The following BPIFB3 variants were observed in gnomAD, a reference collection of about 807,000 sequenced individuals.
BPIFB3 encodes the protein BPI fold-containing family B member 3.
BPIFB3 carries 49 observed loss-of-function variants against 53.1 expected under a neutral mutation model. That is an observed-to-expected ratio of 0.92 (90% CI 0.73 to 1.17). The LOEUF is 1.17. BPIFB3 is among the 50% of genes most tolerant of loss of function. The probability of loss-of-function intolerance (pLI) is 0.00; values close to 1 mark genes in which losing one functional copy is unlikely to be tolerated. For missense variants in BPIFB3, 628 were observed against 592.5 expected, an observed-to-expected ratio of 1.06 and a Z score of -0.62; for synonymous variants, 271 against 269.6, an observed-to-expected ratio of 1.01 and a Z score of -0.05.
intron 2 of BPIFB3, 119 bp from the exon 4 acceptor site, chr20:33,059,259 C>T (rs925844219): frequency 1.5e-6 from 1 of 674,276 alleles, no homozygotes; most frequent in African/African-American, 1.8e-5. Context: ...GGGCCAAGGG[C>T]TCGCAGCTGG....
At chr20:33,071,997 C>A in intron 12 of BPIFB3, 107 bp from the exon 14 acceptor site, 2 of 1,171,486 alleles carry the variant, frequency 1.7e-6, no homozygotes, top group Non-Finnish European at 2.5e-6. Flanking sequence ...TTGGGGGAGG[C>A]TGAGGCAGCT....
chr20:33,060,371 G>A lies in BPIFB3; in HGVS notation c.527+340G>A, dbSNP rs989408401. On this transcript the variant is annotated intron_variant, in intron 4 of 14. Transcript: ENST00000375494. ...TTCAGCCCCTGCTCTCAGCACATGAGACCCAACTCTGCCTCTGACTTGCTG... is the reference window on the plus strand; with the variant it reads ...TTCAGCCCCTGCTCTCAGCACATGAAACCCAACTCTGCCTCTGACTTGCTG... Among the ~76,000 whole-genome samples, 3 of 152,068 alleles carry A rather than the reference G, an allele frequency of 2.0e-5. No individual in the cohort carries two copies. The South Asian group carries it at 6.2e-4, about 32-fold the overall frequency.
chr20:33,061,842 G>A lies in BPIFB3; in HGVS notation c.591+11G>A, dbSNP rs61691120. 6.5e-4 allele frequency: 1,043 copies of A among 1,613,976 alleles called. 9 individuals carry two copies. The African/African-American group carries it at 0.012, about 19-fold the overall frequency. On this transcript the variant is annotated intron_variant, in intron 5 of 14. Transcript: ENST00000375494. ...GTGCTTCCGGGACTGGTGAGTGTGC[G>A]GGCCGTGTGCCAGCATGCCCTCTCC...
chr20:33,064,857 GC>G lies in BPIFB3; in HGVS notation c.924+15del. 6.2e-7 allele frequency: 1 copy of G among 1,608,772 alleles called. No homozygotes were observed. The highest frequency in any genetic ancestry group is 8.5e-7 in the Non-Finnish European group (1 of 1,178,784). On this transcript the variant is annotated intron_variant, in intron 8 of 14. Coordinates refer to ENST00000375494, the Ensembl canonical transcript of BPIFB3. Reference sequence around the variant, plus strand: ...TCACCCCTGAGCTGGTGAGTGTGGTGCCCGGGGGATGGGGATGGGGGCTCCT... The same window carrying G: ...TCACCCCTGAGCTGGTGAGTGTGGTGCCGGGGGATGGGGATGGGGGCTCCT...
chr20:33,064,852 G>C lies in BPIFB3; in HGVS notation c.924+7G>C. On this transcript the variant is annotated splice_region_variant and intron_variant, in intron 8 of 14. Transcript: ENST00000375494. ...GGACATCACCCCTGAGCTGGTGAGTGTGGTGCCCGGGGGATGGGGATGGGG... is the reference window on the plus strand; with the variant it reads ...GGACATCACCCCTGAGCTGGTGAGTCTGGTGCCCGGGGGATGGGGATGGGG... The C allele has an allele frequency of 6.2e-7, 1 of 1,610,204 alleles. No individual in the cohort carries two copies. Among genetic ancestry groups the C allele is most frequent in the East Asian group, 2.2e-5 (1 of 44,864 alleles).
upstream of BPIFB3, among the ~76,000 whole-genome samples, chr20:33,053,964 G>C (rs1242741464): frequency 6.6e-6 from 1 of 152,164 alleles, no homozygotes; most frequent in African/African-American, 2.4e-5. Context: ...GCAGGAGCAA[G>C]GGTAAGACAG....
chr20:33,061,974 C>A, intron 5 of BPIFB3, 143 bp downstream of exon 6: 1 of 979,132 alleles, frequency 1.0e-6, no homozygotes, highest in Non-Finnish European at 1.5e-6. Flanking sequence ...TCCGGGCCTG[C>A]TGACCGGCCT....
At chr20:33,064,461 G>T (rs777553991) in exon 7 of BPIFB3, 1 of 1,613,842 alleles carries the variant, frequency 6.2e-7, no homozygotes, top group South Asian at 1.1e-5. Flanking sequence ...ACGCAGGCCT[G>T]GTGTCCCTTG....
rs368417633 is a variant in BPIFB3 at position 33,072,474 on chromosome 20, GGGATTGAT to G, written c.1325-241_1325-234del. 3.6e-4 allele frequency among the ~76,000 whole-genome samples: 55 copies of G among 152,308 alleles called. No individual in the cohort carries two copies. In the East Asian group the frequency reaches 8.7e-3, roughly 24 times the overall value. ...AATATAGATGACCCAGAGTGTGTAA[GGGATTGAT>G]GAAGCCTTTAGGAGGCTTGACACGG... On this transcript the variant is annotated intron_variant, in intron 13 of 14. Transcript: ENST00000375494.
At chr20:33,068,935 C>G in exon 10 of BPIFB3, 1 of 1,613,966 alleles carries the variant, frequency 6.2e-7, no homozygotes, top group East Asian at 2.2e-5. Context: ...GTTCTATGTC[C>G]CTAAGGGGAC....
At chr20:33,068,763 A>G (rs1980764664) in intron 9 of BPIFB3, 40 bp from the exon 11 acceptor site, 7 of 1,589,132 alleles carry the variant, frequency 4.4e-6, no homozygotes, top group Non-Finnish European at 6.0e-6. Flanking sequence ...GACTGATTGT[A>G]GTCCTGGGGC....
In BPIFB3 at chr20:33,057,895, G is replaced by A. The variant is rs535191568; in HGVS notation, c.281+1197G>A. ...TAGCTAATATGCACTAACTCAATGA[G>A]CACCTATTCAGGGTTTTCTGTGTGT... On this transcript the variant is annotated intron_variant, in intron 2 of 14. Transcript: ENST00000375494. Among the ~76,000 whole-genome samples the A allele has an allele frequency of 3.9e-5, 6 of 152,104 alleles. No homozygotes were observed. In the South Asian group the frequency reaches 1.2e-3, roughly 32 times the overall value.
chr20:33,072,017 G>A (rs1194646530), intron 12 of BPIFB3, 87 bp from the exon 14 acceptor site: 2 of 1,415,408 alleles, frequency 1.4e-6, no homozygotes, highest in African/African-American at 1.4e-5. Flanking sequence ...TGGGCCCCTG[G>A]GTTTCTCTCC....
At chr20:33,062,099 T>C (rs1461748224) in intron 5 of BPIFB3, among the ~76,000 whole-genome samples, 2 of 151,740 alleles carry the variant, frequency 1.3e-5, no homozygotes. Flanking sequence ...GTTTCTGCCA[T>C]TTGTATTAGT....
At position 33,071,474 on chromosome 20, in the gene BPIFB3, G is replaced by T. The variant is rs143107938; in HGVS notation, c.1260+179G>T. Among the ~76,000 whole-genome samples the T allele has an allele frequency of 4.3e-3, 655 of 152,254 alleles. 4 individuals are homozygous for T. The highest frequency in any genetic ancestry group is 5.4e-3 in the Non-Finnish European group (367 of 68,014). ...GGGTGTGCGTGAGAGAGAGCAGGGG[G>T]TGTGGGCAGTGGGGAGAGAGAGAGA... On this transcript the variant is annotated intron_variant, in intron 12 of 14. Coordinates refer to ENST00000375494, the Ensembl canonical transcript of BPIFB3.
downstream of BPIFB3, chr20:33,073,724 C>T: frequency 8.3e-7 from 1 of 1,205,490 alleles, no homozygotes; most frequent in Non-Finnish European, 1.2e-6. Flanking sequence ...CCCTCTGGCC[C>T]TGAAGCACTA....
chr20:33,059,577 C>G, intron 3 of BPIFB3, 95 bp downstream of exon 4: 2 of 889,852 alleles, frequency 2.2e-6, no homozygotes, highest in South Asian at 3.0e-5. Flanking sequence ...ACTCCCACCC[C>G]TCTGTATCCC....
chr20:33,055,538 C>T (rs1236982826), exon 1 of BPIFB3: 2 of 1,613,656 alleles, frequency 1.2e-6, no homozygotes, highest in South Asian at 2.2e-5. Flanking sequence ...CAAGGATGAA[C>T]TCGGCAAAGG....
exon 9 of BPIFB3, chr20:33,066,861 C>A (rs1980692488): frequency 6.2e-7 from 1 of 1,614,182 alleles, no homozygotes; most frequent in Non-Finnish European, 8.5e-7. Flanking sequence ...ACAGACCTGG[C>A]AGCTTTGCTC....
Sources: allele counts gnomAD v4.1 joint callset (sites outside exome capture counted in the v4.1 genomes callset), GRCh38; gene constraint gnomAD v4.1.1; transcripts MANE v1.5; gene names NCBI Gene and HGNC (gene_info 2026-07-23, HGNC 2026-07-21).